Variants in ZNF566 observed in about 807,000 individuals in gnomAD.
ZNF566 encodes the protein zinc finger protein 566.
In ZNF566, 27 loss-of-function variants were observed where a neutral mutation model predicts 32.8. The observed-to-expected ratio is 0.82, with a 90% CI of 0.61 to 1.14. The LOEUF (loss-of-function observed/expected upper bound fraction) is 1.14, where lower values mean the gene tolerates loss of function less well. Among genes scored for constraint, ZNF566 ranks in the 50% most tolerant of loss-of-function variants. ZNF566 has a pLI of 0.00. For synonymous variants in ZNF566, 154 were observed against 159.5 expected, an observed-to-expected ratio of 0.97 and a Z score of 0.26; for missense variants, 402 against 490.4, an observed-to-expected ratio of 0.82 and a Z score of 1.70.
At chr19:36,464,031 C>T (rs563489022) in intron 4 of ZNF566, among the ~76,000 whole-genome samples, 4 of 151,542 alleles carry the variant, frequency 2.6e-5, no homozygotes, top group Non-Finnish European at 4.4e-5. Context: ...CGGCCAAATT[C>T]GATGTAATTA....
At chr19:36,458,674 A>G (rs1214986577) in intron 4 of ZNF566, among the ~76,000 whole-genome samples, 1 of 152,218 alleles carries the variant, frequency 6.6e-6, no homozygotes, top group African/African-American at 2.4e-5. Context: ...ATAGTTTATA[A>G]TACTGTATTG....
chr19:36,489,027 TGTCACAGTCGGCGCACACCTGTACCGG>T (rs1262461225), intron 1 of ZNF566, among the ~76,000 whole-genome samples: 1 of 151,926 alleles, frequency 6.6e-6, no homozygotes, highest in East Asian at 1.9e-4. Context: ...ACAACCACAT[TGTCACAGTCGGCGCACACCTGTACCGG>T]GTCACAGTCA....
At chr19:36,471,937 T>A (rs565703809) in intron 4 of ZNF566, among the ~76,000 whole-genome samples, 1 of 151,942 alleles carries the variant, frequency 6.6e-6, no homozygotes, top group South Asian at 2.1e-4. Flanking sequence ...AGAGATGGGG[T>A]TTCATCATGT....
intron 1 of ZNF566, among the ~76,000 whole-genome samples, chr19:36,479,646 T>C (rs2145700277): frequency 6.6e-6 from 1 of 152,294 alleles, no homozygotes; most frequent in Non-Finnish European, 1.5e-5. Flanking sequence ...TTTTTGTTTT[T>C]GTTTTTGAAT....
intron 4 of ZNF566, among the ~76,000 whole-genome samples, chr19:36,459,974 T>C (rs2033421127): frequency 6.6e-6 from 1 of 151,572 alleles, no homozygotes; most frequent in African/African-American, 2.4e-5. Flanking sequence ...GCAGCTATTT[T>C]TTTTGTATTT....
chr19:36,471,045 GA>G (rs111690537), intron 4 of ZNF566, among the ~76,000 whole-genome samples: 3 of 144,840 alleles, frequency 2.1e-5, no homozygotes, highest in Admixed American at 1.4e-4. Flanking sequence ...TGTCTCTACT[GA>G]AAAAAAAATA....
chr19:36,471,144 G>T (rs1414860598), intron 4 of ZNF566, among the ~76,000 whole-genome samples: 1 of 150,660 alleles, frequency 6.6e-6, no homozygotes, highest in Non-Finnish European at 1.5e-5. Flanking sequence ...AACCTGGGAA[G>T]CGGAGGTTGC....
chr19:36,456,565 T>G (rs1600142835), intron 4 of ZNF566: 3 of 141,046 alleles, frequency 2.1e-5, no homozygotes, highest in African/African-American at 2.6e-5. Context: ...AAAAAAAAAT[T>G]GCATTAAATA....
At position 36,446,851 on chromosome 19, in the gene ZNF566, T is replaced by A. The variant is rs1028853131; in HGVS notation, c.*2126A>T. 17 of 152,138 alleles carry A rather than the reference T, an allele frequency of 1.1e-4. No homozygotes were observed. The highest frequency in any genetic ancestry group is 3.9e-4 in the African/African-American group (16 of 41,436). The allele number at this position is 152,138 out of a possible 1,614,324, so 9.4% of individuals were successfully genotyped here. Reference sequence around the variant, plus strand: ...CAGAGAGACCCGTCTACACAGGATCTAAGAAAAAAGGAAGTGGGGCATAAA... The same window carrying A: ...CAGAGAGACCCGTCTACACAGGATCAAAGAAAAAAGGAAGTGGGGCATAAA... On this transcript the variant is annotated 3_prime_UTR_variant, in exon 5 of 5. Coordinates refer to ENST00000452939, the MANE Select transcript of ZNF566 (RefSeq NM_001145344.1).
Position 36,477,536 on chromosome 19 carries a change from TGTTTGTTTGTTTG to T in ZNF566, c.-59-933_-59-921del, listed in dbSNP as rs1223688191. Among the ~76,000 whole-genome samples, 101 of 124,924 alleles carry T rather than the reference TGTTTGTTTGTTTG, an allele frequency of 8.1e-4. 17 individuals carry two copies. Among genetic ancestry groups the T allele is most frequent in the African/African-American group, 3.1e-3 (96 of 30,928 alleles). The allele number at this position is 124,924 out of a possible 152,430, so 82.0% of individuals were successfully genotyped here. ...CAGTTTTCTGTTTCTGTTTTTTTTTTGTTTGTTTGTTTGTTTTTTTGAGACGGAGTCTTGCTCT... is the reference window on the plus strand; with the variant it reads ...CAGTTTTCTGTTTCTGTTTTTTTTTTTTTTTTTGAGACGGAGTCTTGCTCT... On this transcript the variant is annotated intron_variant, in intron 1 of 4. Transcript: ENST00000452939.
At position 36,449,074 on chromosome 19, in the gene ZNF566, C is replaced by A; in HGVS notation, c.1160G>T (p.Arg387Ile). ...SQSSQLISHH[R>I]IHTSEKPYEY... ...ATAGGGTTTCTCACTAGTATGAATTCTATGATGACTAATAAGCTGTGAACT... is the reference window on the plus strand; with the variant it reads ...ATAGGGTTTCTCACTAGTATGAATTATATGATGACTAATAAGCTGTGAACT... The change falls in exon 5 of 5, where the codon AGA (arginine) becomes ATA (isoleucine). Residue 387 changes from arginine to isoleucine, a missense_variant. Transcript: ENST00000452939. 1 of 1,613,972 alleles carries A rather than the reference C, an allele frequency of 6.2e-7. No homozygotes were observed. Among genetic ancestry groups the A allele is most frequent in the Non-Finnish European group, 8.5e-7 (1 of 1,179,948 alleles).
chr19:36,476,711 CT>C (rs1422609738), intron 1 of ZNF566, 95 bp from the exon 2 acceptor site: 4 of 1,020,586 alleles, frequency 3.9e-6, no homozygotes, highest in Non-Finnish European at 5.6e-6. Flanking sequence ...TTCAGAAATG[CT>C]TGTGGGGTAT....
chr19:36,485,448 TAAAAAAAA>T (rs34950405), intron 1 of ZNF566, among the ~76,000 whole-genome samples: 2 of 104,504 alleles, frequency 1.9e-5, no homozygotes, highest in Non-Finnish European at 3.7e-5. Context: ...CCTTGTCTAT[TAAAAAAAA>T]AAAAAAAAAA....
At position 36,449,213 on chromosome 19, in the gene ZNF566, A is replaced by G. The variant is rs1441965736; in HGVS notation, c.1021T>C (p.Cys341Arg). The G allele has an allele frequency of 6.2e-7, 1 of 1,614,072 alleles. No homozygotes were observed. Among genetic ancestry groups the G allele is most frequent in the Non-Finnish European group, 8.5e-7 (1 of 1,179,982 alleles). The change falls in exon 5 of 5, where the codon TGT becomes CGT. Residue 341 changes from cysteine (C) to arginine (R), a missense_variant. Transcript: ENST00000452939. ...RIHTGEKPYE[C>R]KECEKAFRSG... ...CGAAAAGCCTTTTCACATTCCTTACATTCGTAAGGTTTCTCACCTGTATGG... is the reference window on the plus strand; with the variant it reads ...CGAAAAGCCTTTTCACATTCCTTACGTTCGTAAGGTTTCTCACCTGTATGG...
Position 36,472,939 on chromosome 19 carries a change from G to C in ZNF566, c.204C>G (p.Asp68Glu), listed in dbSNP as rs762170765. 8 of 1,613,902 alleles carry C rather than the reference G, an allele frequency of 5.0e-6. No individual in the cohort carries two copies. The highest frequency in any genetic ancestry group is 1.1e-5 in the South Asian group (1 of 91,062). The change falls in exon 4 of 5, where the codon GAC becomes GAG. Residue 68 changes from aspartate (D) to glutamate (E), a missense_variant. This residue lies in a region of ZNF566 where 220 missense variants were observed against 241.9 expected (regional missense o/e 0.91). Transcript: ENST00000452939. ...LEQGKEPWLADRELTRGQWPV... is the reference protein window; with the variant it reads ...LEQGKEPWLAERELTRGQWPV... ...GCCACTGGCCTCTTGTTAGCTCTCT[G>C]TCAGCCAACCAGGGCTCCTTCCCTT...
At chr19:36,481,841 A>T (rs2034040392) in intron 1 of ZNF566, among the ~76,000 whole-genome samples, 1 of 152,222 alleles carries the variant, frequency 6.6e-6, no homozygotes, top group African/African-American at 2.4e-5. Context: ...GGTTCAATAA[A>T]CTATGATAAA....
intron 4 of ZNF566, among the ~76,000 whole-genome samples, chr19:36,468,335 G>A (rs956709559): frequency 6.6e-6 from 1 of 151,832 alleles, no homozygotes; most frequent in African/African-American, 2.4e-5. Context: ...GCTGGGTGAA[G>A]TGGCTTGCTC....
rs1454999698 is a variant in ZNF566, at chr19:36,455,867, C to CG, written c.233-5867_233-5866insC. Among the ~76,000 whole-genome samples, 51 of 152,038 alleles carry CG rather than the reference C, an allele frequency of 3.4e-4. No homozygotes were observed. In the East Asian group the frequency reaches 8.5e-3, roughly 25 times the overall value. On this transcript the variant is annotated intron_variant, in intron 4 of 4. Transcript: ENST00000452939. ...CATCCTGGCTAACACGGTGAAACCT[C>CG]TCTCTACTAAAAATACAAAAAATTA...
intron 4 of ZNF566, among the ~76,000 whole-genome samples, chr19:36,466,706 G>A (rs1299656210): frequency 1.3e-5 from 2 of 152,168 alleles, no homozygotes; most frequent in East Asian, 3.8e-4. Flanking sequence ...AGTAGAAAAA[G>A]ATACTTGTAG....
Sources: allele counts gnomAD v4.1 joint callset (sites outside exome capture counted in the v4.1 genomes callset), GRCh38; gene constraint gnomAD v4.1.1; regional missense constraint gnomAD v4.1.1; transcripts MANE v1.5; gene names NCBI Gene and HGNC (gene_info 2026-07-23, HGNC 2026-07-21).